TCF12: variants seen among roughly 807,000 people sequenced by gnomAD.
TCF12 encodes DNA-binding protein HTF4.
Under a neutral mutation model 86.0 loss-of-function variants are expected in TCF12, and 45 were observed. That is an observed-to-expected ratio of 0.52 (90% CI 0.41 to 0.67). The LOEUF (loss-of-function observed/expected upper bound fraction) is 0.67, where lower values mean the gene tolerates loss of function less well. Ranked by LOEUF, TCF12 falls within the 30% of genes least tolerant of loss-of-function variation. The probability of loss-of-function intolerance (pLI) is 0.00; values close to 1 mark genes in which losing one functional copy is unlikely to be tolerated. For missense variants in TCF12, 881 were observed against 859.9 expected (o/e 1.02, Z -0.31); for synonymous variants, 330 against 299.6 (o/e 1.10, Z -1.05).
intron 5 of TCF12, among the ~76,000 whole-genome samples, chr15:57,122,652 A>G (rs1407181457): frequency 3.3e-5 from 5 of 152,226 alleles, no homozygotes; most frequent in African/African-American, 1.2e-4. Flanking sequence ...CTCAGCTTCA[A>G]AGAGAACCAC....
intron 3 of TCF12, among the ~76,000 whole-genome samples, chr15:57,041,854 A>G (rs1381647013): frequency 6.6e-6 from 1 of 152,212 alleles, no homozygotes; most frequent in Non-Finnish European, 1.5e-5. Context: ...CCATTTGTTT[A>G]CTTGATCGCA....
intron 4 of TCF12, among the ~76,000 whole-genome samples, chr15:57,081,924 A>G (rs1567384264): frequency 6.6e-6 from 1 of 152,148 alleles, no homozygotes; most frequent in Non-Finnish European, 1.5e-5. Flanking sequence ...AGGATGAGTG[A>G]AGATTCGGTA....
chr15:56,948,707 A>G (rs1244342607), intron 3 of TCF12, among the ~76,000 whole-genome samples: 1 of 152,226 alleles, frequency 6.6e-6, no homozygotes, highest in East Asian at 1.9e-4. Context: ...TACAGCCAGA[A>G]GTACAGAGGT....
chr15:57,107,138 A>G lies in TCF12; in HGVS notation c.325+15247A>G, dbSNP rs561393632. On this transcript the variant is annotated intron_variant, in intron 5 of 20. Transcript: ENST00000333725. ...ATAGAAGTTTATAGCAGCTTTGTTC[A>G]TAATTGCCAAACCTGGAAACCACCA... Among the ~76,000 whole-genome samples, 39 of 152,376 alleles carry G rather than the reference A, an allele frequency of 2.6e-4. 1 individual carries two copies. The highest frequency in any genetic ancestry group is 1.2e-3 in the Admixed American group (19 of 15,308).
At chr15:57,056,586 C>T (rs914828202) in intron 3 of TCF12, among the ~76,000 whole-genome samples, 8 of 152,198 alleles carry the variant, frequency 5.3e-5, no homozygotes, top group Non-Finnish European at 1.2e-4. Flanking sequence ...TAACCTCCCA[C>T]GTAGCTGGGA....
At chr15:57,173,358 C>T in intron 6 of TCF12, among the ~76,000 whole-genome samples, 1 of 152,012 alleles carries the variant, frequency 6.6e-6, no homozygotes, top group East Asian at 1.9e-4. Flanking sequence ...GAAAAAGAAA[C>T]ACAAAGTAAA....
chr15:57,220,287 A>G (rs182189282), intron 8 of TCF12, among the ~76,000 whole-genome samples: 1 of 152,348 alleles, frequency 6.6e-6, no homozygotes, highest in African/African-American at 2.4e-5. Flanking sequence ...TGCTTTGTAG[A>G]TGGAAGGAAA....
chr15:57,261,620 A>C (rs1395503941), intron 16 of TCF12, among the ~76,000 whole-genome samples: 7 of 152,264 alleles, frequency 4.6e-5, no homozygotes, highest in African/African-American at 1.7e-4. Flanking sequence ...ATCCGTAACA[A>C]GTTTTTTTAT....
Position 57,289,682 on chromosome 15 carries a change from A to T in TCF12, c.*3537A>T, listed in dbSNP as rs1466890147. On this transcript the variant is annotated 3_prime_UTR_variant, in exon 21 of 21. Coordinates refer to ENST00000333725, the MANE Select transcript of TCF12 (RefSeq NM_207037.2). ...TTGGCATTAAATAGTCCTCGATTCA[A>T]ATCTAAGCTCAACATCTGATTAACT... The T allele has an allele frequency of 6.6e-6, 1 of 152,068 alleles. No individual in the cohort carries two copies. Among genetic ancestry groups the T allele is most frequent in the Non-Finnish European group, 1.5e-5 (1 of 68,020 alleles). The allele number at this position is 152,068 out of a possible 1,614,324, so 9.4% of individuals were successfully genotyped here.
intron 5 of TCF12, among the ~76,000 whole-genome samples, chr15:57,137,829 C>T (rs2052664873): frequency 1.3e-5 from 2 of 152,030 alleles, no homozygotes; most frequent in Non-Finnish European, 2.9e-5. Context: ...GAGTTCGAAA[C>T]CAGCCTGGCC....
chr15:57,123,952 G>A (rs1267263413), intron 5 of TCF12, among the ~76,000 whole-genome samples: 1 of 95,566 alleles, frequency 1.0e-5, no homozygotes, highest in Non-Finnish European at 2.3e-5. Flanking sequence ...CTGGGCGACA[G>A]AGTGAGACTC....
intron 6 of TCF12, among the ~76,000 whole-genome samples, chr15:57,176,364 C>G (rs2055910421): frequency 1.3e-5 from 2 of 152,150 alleles, no homozygotes; most frequent in African/African-American, 4.8e-5. Flanking sequence ...AACTTTTATT[C>G]TAATACTACC....
chr15:57,033,677 A>G (rs939820969), intron 3 of TCF12, among the ~76,000 whole-genome samples: 2 of 152,156 alleles, frequency 1.3e-5, no homozygotes, highest in Non-Finnish European at 2.9e-5. Flanking sequence ...GTAGGTTCTT[A>G]CTTATTTTTC....
At chr15:57,077,890 G>C (rs2070270148) in intron 4 of TCF12, among the ~76,000 whole-genome samples, 1 of 151,766 alleles carries the variant, frequency 6.6e-6, no homozygotes, top group Non-Finnish European at 1.5e-5. Flanking sequence ...TTTTTTATTA[G>C]TTACCTATTG....
chr15:57,242,793 C>T (rs1409599861), intron 12 of TCF12, among the ~76,000 whole-genome samples: 1 of 152,208 alleles, frequency 6.6e-6, no homozygotes, highest in African/African-American at 2.4e-5. Context: ...TAAATTTATG[C>T]ATCCGATAAT....
At chr15:57,024,449 A>C (rs1255242556) in intron 3 of TCF12, among the ~76,000 whole-genome samples, 8 of 152,072 alleles carry the variant, frequency 5.3e-5, no homozygotes, top group African/African-American at 1.9e-4. Context: ...CCTGACTGCA[A>C]GTCATCTGCC....
Position 57,077,327 on chromosome 15 carries a change from ATGTGTG to A in TCF12, c.222+13546_222+13551del, listed in dbSNP as rs1172206511. Among the ~76,000 whole-genome samples, 152 of 25,684 alleles carry A rather than the reference ATGTGTG, an allele frequency of 5.9e-3. 2 individuals are homozygous for A. The highest frequency in any genetic ancestry group is 0.042 in the African/African-American group (131 of 3,156). 16.8% of individuals were successfully genotyped at this position (25,684 alleles called of 152,430 possible). A position where few individuals can be genotyped will look rare whatever the true frequency, so the allele number is the denominator to read the frequency against. On this transcript the variant is annotated intron_variant, in intron 4 of 20. Coordinates refer to ENST00000333725, the MANE Select transcript of TCF12 (RefSeq NM_207037.2). ...TTACTTTCCATATATATGTATATAT[ATGTGTG>A]TGTGTGTGTGTGTGTGTGTGTGTGT... is the stretch of plus-strand genomic sequence containing the variant.
intron 3 of TCF12, among the ~76,000 whole-genome samples, chr15:56,946,041 T>G (rs2060979960): frequency 6.6e-6 from 1 of 152,228 alleles, no homozygotes; most frequent in African/African-American, 2.4e-5. Flanking sequence ...ATTTCTTTTC[T>G]TTATAAATTT....
chr15:57,193,141 G>A (rs1033662711), intron 7 of TCF12, among the ~76,000 whole-genome samples: 8 of 152,180 alleles, frequency 5.3e-5, no homozygotes, highest in African/African-American at 1.4e-4. Flanking sequence ...CATAAAAACT[G>A]AGGGTCAAAA....
Sources: allele counts gnomAD v4.1 joint callset (sites outside exome capture counted in the v4.1 genomes callset), GRCh38; gene constraint gnomAD v4.1.1; transcripts MANE v1.5; gene names NCBI Gene and HGNC (gene_info 2026-07-23, HGNC 2026-07-21).